The following CNTNAP2 variants were observed in gnomAD, a reference collection of about 807,000 sequenced individuals.
CNTNAP2 encodes contactin associated protein 2, also known as contactin-associated protein-like 2.
CNTNAP2 carries 98 observed loss-of-function variants against 155.2 expected under a neutral mutation model. The ratio of observed to expected loss-of-function variants is 0.63; its 90% CI spans 0.54 to 0.75. The LOEUF is 0.75. Ranked by LOEUF, CNTNAP2 falls within the 30% of genes least tolerant of loss-of-function variation. CNTNAP2 has a pLI of 0.00. For synonymous variants in CNTNAP2, 651 were observed against 631.2 expected (o/e 1.03, Z -0.47); for missense variants, 1,727 against 1,688.1 (o/e 1.02, Z -0.40).
At chr7:146,206,204 T>C (rs1198308705) in intron 1 of CNTNAP2, among the ~76,000 whole-genome samples, 1 of 152,030 alleles carries the variant, frequency 6.6e-6, no homozygotes, top group East Asian at 1.9e-4. Context: ...TGTTGAACCA[T>C]TCCAGCAAAA....
chr7:148,016,837 G>C (rs1431718573), intron 15 of CNTNAP2, among the ~76,000 whole-genome samples: 1 of 152,062 alleles, frequency 6.6e-6, no homozygotes, highest in Non-Finnish European at 1.5e-5. Flanking sequence ...TAAGACGGAA[G>C]GTATTTCTGG....
At chr7:147,447,383 A>G (rs986065001) in intron 10 of CNTNAP2, among the ~76,000 whole-genome samples, 1 of 152,170 alleles carries the variant, frequency 6.6e-6, no homozygotes, top group Non-Finnish European at 1.5e-5. Context: ...CAGTGACTTC[A>G]ATATTTAAGG....
At chr7:146,994,163 A>G (rs1283831187) in intron 3 of CNTNAP2, among the ~76,000 whole-genome samples, 2 of 152,284 alleles carry the variant, frequency 1.3e-5, no homozygotes, top group Admixed American at 6.5e-5. Flanking sequence ...GACAAATGAC[A>G]TAGGTTACTA....
intron 1 of CNTNAP2, among the ~76,000 whole-genome samples, chr7:146,322,871 G>A (rs549483548): frequency 1.3e-5 from 2 of 151,814 alleles, no homozygotes; most frequent in Non-Finnish European, 2.9e-5. Flanking sequence ...AAATCAGAGG[G>A]TGTGAATTTG....
rs543249944 is a variant in CNTNAP2, at chr7:148,212,581, T to C, written c.3011-4707T>C. 3.3e-5 allele frequency among the ~76,000 whole-genome samples: 5 copies of C among 152,350 alleles called. No homozygotes were observed. The East Asian group carries it at 5.8e-4, about 18-fold the overall frequency. ...CTATTACTAGTATCTATATTACTAG[T>C]ACAAAACCTTAAACCAAGCATTCTA... On this transcript the variant is annotated intron_variant, in intron 18 of 23. Transcript: ENST00000361727.
At chr7:147,570,409 T>G (rs1800265063) in intron 12 of CNTNAP2, among the ~76,000 whole-genome samples, 1 of 152,238 alleles carries the variant, frequency 6.6e-6, no homozygotes, top group South Asian at 2.1e-4. Context: ...ATATTTAGAT[T>G]ATAAAATCTT....
At chr7:148,062,360 C>T (rs571355354) in intron 15 of CNTNAP2, among the ~76,000 whole-genome samples, 13 of 152,140 alleles carry the variant, frequency 8.5e-5, no homozygotes, top group Admixed American at 8.5e-4. Flanking sequence ...CAATTTTAAA[C>T]TTGAATTCGC....
intron 13 of CNTNAP2, among the ~76,000 whole-genome samples, chr7:147,859,379 G>A (rs1180937138): frequency 6.8e-6 from 1 of 146,950 alleles, no homozygotes; most frequent in Non-Finnish European, 1.5e-5. Context: ...TGTAAAGCAG[G>A]TAGTTTAATA....
Position 147,377,604 on chromosome 7 carries a change from C to T in CNTNAP2, c.1499-18005C>T, listed in dbSNP as rs1796458418. 3.3e-5 allele frequency among the ~76,000 whole-genome samples: 5 copies of T among 151,794 alleles called. No individual in the cohort carries two copies. In the South Asian group the frequency reaches 1.0e-3, roughly 31 times the overall value. Reference sequence around the variant, plus strand: ...TGGTACTAAGGTGCTTCTATTTTTACATTTTTAATTTAAAATTTTTTCATT... The same window carrying T: ...TGGTACTAAGGTGCTTCTATTTTTATATTTTTAATTTAAAATTTTTTCATT... On this transcript the variant is annotated intron_variant, in intron 9 of 23. Transcript: ENST00000361727.
intron 13 of CNTNAP2, among the ~76,000 whole-genome samples, chr7:147,762,794 G>GAGGAAGGGAAGGAAGGGA (rs149381109): frequency 2.7e-4 from 40 of 147,146 alleles, no homozygotes; most frequent in African/African-American, 9.8e-4. Flanking sequence ...AGGGGAAGAG[G>GAGGAAGGGAAGGAAGGGA]AGGAAGGGAA....
chr7:146,460,564 T>C (rs1796621597), intron 1 of CNTNAP2, among the ~76,000 whole-genome samples: 1 of 152,174 alleles, frequency 6.6e-6, no homozygotes, highest in African/African-American at 2.4e-5. Flanking sequence ...ATAAATTGTA[T>C]GATATATATG....
chr7:148,060,344 T>G (rs1340380032), intron 15 of CNTNAP2, among the ~76,000 whole-genome samples: 1 of 152,194 alleles, frequency 6.6e-6, no homozygotes, highest in Non-Finnish European at 1.5e-5. Flanking sequence ...TTTATACATA[T>G]ATATGTATAT....
At chr7:147,876,139 G>A (rs1444680380) in intron 13 of CNTNAP2, among the ~76,000 whole-genome samples, 5 of 152,114 alleles carry the variant, frequency 3.3e-5, no homozygotes, top group East Asian at 1.9e-4. Context: ...ACTCTGCCCC[G>A]TGCTTTCCAT....
chr7:146,803,428 A>G (rs921043154), intron 2 of CNTNAP2, among the ~76,000 whole-genome samples: 8 of 152,188 alleles, frequency 5.3e-5, no homozygotes, highest in Non-Finnish European at 1.0e-4. Flanking sequence ...GTAAAGAACA[A>G]TCCCCTAGTG....
At chr7:147,111,582 A>G (rs1452685219) in intron 5 of CNTNAP2, among the ~76,000 whole-genome samples, 1 of 152,202 alleles carries the variant, frequency 6.6e-6, no homozygotes, top group Non-Finnish European at 1.5e-5. Context: ...AATTTTCTGC[A>G]TATGACTAGC....
At chr7:146,197,071 GAA>G in intron 1 of CNTNAP2, among the ~76,000 whole-genome samples, 1 of 151,526 alleles carries the variant, frequency 6.6e-6, no homozygotes, top group Admixed American at 6.6e-5. Flanking sequence ...TTCTCTACTG[GAA>G]AAAAAATGGA....
At chr7:148,287,672 C>T (rs1797106202) in intron 21 of CNTNAP2, among the ~76,000 whole-genome samples, 1 of 152,088 alleles carries the variant, frequency 6.6e-6, no homozygotes, top group Non-Finnish European at 1.5e-5. Context: ...AGTCCAAGGT[C>T]CAGGGGCCAC....
At chr7:148,243,744 C>G (rs1796201458) in intron 20 of CNTNAP2, among the ~76,000 whole-genome samples, 1 of 150,942 alleles carries the variant, frequency 6.6e-6, no homozygotes, top group African/African-American at 2.4e-5. Context: ...AGAGACACAG[C>G]CAAACCATAT....
intron 1 of CNTNAP2, among the ~76,000 whole-genome samples, chr7:146,764,466 T>C (rs1802160643): frequency 1.4e-5 from 2 of 139,916 alleles, no homozygotes; most frequent in African/African-American, 6.5e-5. Flanking sequence ...TATTATTTTG[T>C]GTTGTAGAGT....
Sources: allele counts gnomAD v4.1 joint callset (sites outside exome capture counted in the v4.1 genomes callset), GRCh38; gene constraint gnomAD v4.1.1; transcripts MANE v1.5; gene names NCBI Gene and HGNC (gene_info 2026-07-23, HGNC 2026-07-21).